RNF121: variants seen among roughly 807,000 people sequenced by gnomAD.
RNF121 encodes the protein E3 ubiquitin ligase RNF121.
In RNF121, 21 loss-of-function variants were observed where a neutral mutation model predicts 46.5. The observed-to-expected ratio is 0.45, with a 90% confidence interval of 0.32 to 0.65. The LOEUF is 0.65. Among genes scored for constraint, RNF121 ranks in the 30% least tolerant of loss-of-function variants. The pLI, the probability that RNF121 is intolerant of heterozygous loss-of-function variation, is 0.04. For synonymous variants in RNF121, 139 were observed against 144.7 expected, an observed-to-expected ratio of 0.96 and a Z score of 0.28; for missense variants, 346 against 416.0, an observed-to-expected ratio of 0.83 and a Z score of 1.46.
intron 1 of RNF121, among the ~76,000 whole-genome samples, chr11:71,938,477 G>A (rs528384631): frequency 9.2e-5 from 14 of 151,734 alleles, no homozygotes; most frequent in Admixed American, 7.2e-4. Context: ...GTGCCCCCAC[G>A]CCTGGCTAAT....
At chr11:71,962,783 C>T (rs1372347551) in intron 3 of RNF121, among the ~76,000 whole-genome samples, 1 of 152,168 alleles carries the variant, frequency 6.6e-6, no homozygotes, top group African/African-American at 2.4e-5. Context: ...AAATTGTTTT[C>T]CACAGAAGCT....
chr11:71,970,535 A>C (rs1337857586), intron 3 of RNF121, among the ~76,000 whole-genome samples: 4 of 152,220 alleles, frequency 2.6e-5, no homozygotes, highest in Non-Finnish European at 1.5e-5. Context: ...GGTGGTGTGC[A>C]CTTGTAATGC....
intron 7 of RNF121, 147 bp downstream of exon 7, chr11:71,994,999 T>C: frequency 1.8e-6 from 2 of 1,104,404 alleles, no homozygotes; most frequent in Non-Finnish European, 1.3e-6. Context: ...TCCCTACCCT[T>C]TCCCACAGAT....
At chr11:71,955,112 A>G (rs1412583723) in intron 1 of RNF121, among the ~76,000 whole-genome samples, 1 of 152,210 alleles carries the variant, frequency 6.6e-6, no homozygotes, top group Non-Finnish European at 1.5e-5. Context: ...GTGCTAGGGT[A>G]TAAACTTTAG....
In RNF121 at chr11:71,957,231, A is replaced by G. The variant is rs766895638; in HGVS notation, c.68A>G (p.Asp23Gly). The stretch of plus-strand genomic sequence containing the variant: ...TCTGGTGGTGTCTTTCTACAGGTTG[A>G]TATGTCAGATCTCTCTCCAGAAGAG... ...AAGERELDEV[D>G]MSDLSPEEQW... The change falls in exon 2 of 9, where the codon GAT (aspartate) becomes GGT (glycine). Residue 23 changes from aspartate to glycine, a missense_variant. Asp to Gly is a moderately conservative substitution (Grantham distance 94). Around this residue, in one of 2 missense-constraint regions of RNF121, gnomAD observed 60 missense variants for 32.2 expected, o/e 1.86. Coordinates refer to ENST00000361756, the MANE Select transcript of RNF121 (RefSeq NM_018320.5). 4 of 1,601,962 alleles carry G rather than the reference A, an allele frequency of 2.5e-6. No homozygotes were observed. The highest frequency in any genetic ancestry group is 3.3e-5 in the Admixed American group (2 of 59,994).
chr11:71,954,164 A>C (rs1953939170), intron 1 of RNF121, among the ~76,000 whole-genome samples: 2 of 152,200 alleles, frequency 1.3e-5, no homozygotes, highest in South Asian at 4.1e-4. Flanking sequence ...GCCCCAAATG[A>C]ATAAACTCCT....
At chr11:71,949,455 C>T (rs1291159530) in intron 1 of RNF121, among the ~76,000 whole-genome samples, 1 of 152,094 alleles carries the variant, frequency 6.6e-6, no homozygotes, top group Non-Finnish European at 1.5e-5. Context: ...TGGCTAATGC[C>T]CGTAATCCCA....
At chr11:71,984,339 C>T (rs995386858) in intron 4 of RNF121, among the ~76,000 whole-genome samples, 20 of 144,718 alleles carry the variant, frequency 1.4e-4, no homozygotes, top group African/African-American at 5.1e-5. Flanking sequence ...TGCAGTGGCA[C>T]GATCTCGGCT....
Position 71,929,060 on chromosome 11 carries a change from A to G in RNF121, c.-2A>G, listed in dbSNP as rs1953192662. The G allele has an allele frequency of 1.2e-5, 19 of 1,551,284 alleles. No individual in the cohort carries two copies. The highest frequency in any genetic ancestry group is 1.5e-5 in the Non-Finnish European group (17 of 1,147,000). On this transcript the variant is annotated 5_prime_UTR_variant, in exon 1 of 9. Coordinates refer to ENST00000361756, the MANE Select transcript of RNF121 (RefSeq NM_018320.5). ...ACTGCGGTGAGGGGGCGAGCCGTGA[A>G]GATGGCGGCAGTGGTGGAGGTGGAG...
intron 1 of RNF121, among the ~76,000 whole-genome samples, chr11:71,939,805 A>G (rs1953521650): frequency 6.6e-6 from 1 of 152,166 alleles, no homozygotes; most frequent in African/African-American, 2.4e-5. Flanking sequence ...GCACTTAATT[A>G]TGCCAGGTAC....
At chr11:71,969,802 A>C (rs1035384655) in intron 3 of RNF121, among the ~76,000 whole-genome samples, 1 of 152,124 alleles carries the variant, frequency 6.6e-6, no homozygotes, top group Non-Finnish European at 1.5e-5. Context: ...ACTGGGCTCA[A>C]GCAGTCCTCC....
rs146676136 is a variant in RNF121, at chr11:71,967,753, C to G, written c.243+6862C>G. On this transcript the variant is annotated intron_variant, in intron 3 of 8. Transcript: ENST00000361756. ...TTATCTTTTACTGCTATACCTATACCCGTTACATACTACAAACATTTCCTC... is the reference window on the plus strand; with the variant it reads ...TTATCTTTTACTGCTATACCTATACGCGTTACATACTACAAACATTTCCTC... Among the ~76,000 whole-genome samples the G allele has an allele frequency of 1.6e-4, 25 of 152,060 alleles. No homozygotes were observed. The East Asian group carries it at 3.5e-3, about 21-fold the overall frequency.
At chr11:71,958,169 G>T (rs953910725) in intron 2 of RNF121, among the ~76,000 whole-genome samples, 1 of 152,200 alleles carries the variant, frequency 6.6e-6, no homozygotes, top group Non-Finnish European at 1.5e-5. Flanking sequence ...CAAATATTTT[G>T]TTCTAAGCAT....
At chr11:71,969,563 C>T (rs1954374740) in intron 3 of RNF121, among the ~76,000 whole-genome samples, 2 of 151,826 alleles carry the variant, frequency 1.3e-5, no homozygotes, top group South Asian at 4.2e-4. Flanking sequence ...GTGATAAAAC[C>T]ATATTTTACT....
Position 71,942,557 on chromosome 11 carries a change from G to A in RNF121, c.63+13433G>A, listed in dbSNP as rs1048314921. On this transcript the variant is annotated intron_variant, in intron 1 of 8. Transcript: ENST00000361756. ...GCGGGCGGATTACTTGAGACTAGGA[G>A]TTTGAGACTAGCCAGGCCAACATGG... is the stretch of plus-strand genomic sequence containing the variant. 2.6e-5 allele frequency among the ~76,000 whole-genome samples: 4 copies of A among 151,894 alleles called. No homozygotes were observed. The South Asian group carries it at 8.3e-4, about 32-fold the overall frequency.
intron 3 of RNF121, among the ~76,000 whole-genome samples, chr11:71,972,422 CTG>C (rs1206018089): frequency 6.6e-6 from 1 of 152,186 alleles, no homozygotes; most frequent in Non-Finnish European, 1.5e-5. Flanking sequence ...TGATAAGGCT[CTG>C]TTTCTTTCAA....
At chr11:71,962,986 G>A (rs1590791561) in intron 3 of RNF121, among the ~76,000 whole-genome samples, 1 of 152,016 alleles carries the variant, frequency 6.6e-6, no homozygotes, top group Non-Finnish European at 1.5e-5. Context: ...CTTTTCCTGT[G>A]CTTATGGGTC....
At chr11:71,950,040 G>A (rs762626824) in intron 1 of RNF121, among the ~76,000 whole-genome samples, 12 of 151,146 alleles carry the variant, frequency 7.9e-5, no homozygotes, top group Non-Finnish European at 1.2e-4. Context: ...CACAAAACTC[G>A]CACAAAAAAC....
At chr11:71,958,846 A>G (rs1219290657) in intron 2 of RNF121, among the ~76,000 whole-genome samples, 1 of 152,196 alleles carries the variant, frequency 6.6e-6, no homozygotes, top group Non-Finnish European at 1.5e-5. Flanking sequence ...TTGGGTGGGA[A>G]CTTGAACTGG....
Sources: gnomAD v4.1 joint callset for allele counts (sites outside exome capture counted in the v4.1 genomes callset) on GRCh38, gnomAD v4.1.1 for gene constraint, gnomAD v4.1.1 regional missense constraint, MANE v1.5 for transcripts, NCBI Gene and HGNC (gene_info 2026-07-23, HGNC 2026-07-21) for gene names.